The following NBEA variants were observed in gnomAD, a reference collection of about 807,000 sequenced individuals.
NBEA encodes the protein lysosomal-trafficking regulator 2.
In NBEA, 44 loss-of-function variants were observed where a neutral mutation model predicts 343.4. The ratio of observed to expected loss-of-function variants is 0.13; its 90% CI spans 0.10 to 0.16. The LOEUF is 0.16. NBEA is among the 10% of genes least tolerant of loss of function. The probability of loss-of-function intolerance (pLI) is 1.00; values close to 1 mark genes in which losing one functional copy is unlikely to be tolerated. For synonymous variants in NBEA, 1,175 were observed against 1,238.7 expected, an observed-to-expected ratio of 0.95 and a Z score of 1.08; for missense variants, 2,555 against 3,631.3, an observed-to-expected ratio of 0.70 and a Z score of 7.62.
chr13:35,534,241 C>T (rs531845859), intron 41 of NBEA, among the ~76,000 whole-genome samples: 1 of 152,276 alleles, frequency 6.6e-6, no homozygotes, highest in Non-Finnish European at 1.5e-5. Flanking sequence ...CCTTGAGACT[C>T]CTTTCATACC....
At chr13:35,233,931 A>G (rs565282190) in intron 34 of NBEA, among the ~76,000 whole-genome samples, 8 of 152,290 alleles carry the variant, frequency 5.3e-5, no homozygotes, top group South Asian at 2.1e-4. Flanking sequence ...TAAAAGTTAC[A>G]TTTGAGCAAA....
At chr13:35,466,607 A>G (rs1230164742) in intron 40 of NBEA, among the ~76,000 whole-genome samples, 1 of 152,142 alleles carries the variant, frequency 6.6e-6, no homozygotes, top group African/African-American at 2.4e-5. Flanking sequence ...AGCCAGGACA[A>G]TAGGCATGTG....
At chr13:35,400,182 A>G (rs958050157) in intron 38 of NBEA, among the ~76,000 whole-genome samples, 2 of 135,952 alleles carry the variant, frequency 1.5e-5, no homozygotes, top group Non-Finnish European at 3.1e-5. Flanking sequence ...GGGTTGCCAC[A>G]ACTCTTCAAT....
chr13:34,961,402 C>G (rs1396484035), intron 1 of NBEA, among the ~76,000 whole-genome samples: 1 of 151,992 alleles, frequency 6.6e-6, no homozygotes, highest in Non-Finnish European at 1.5e-5. Context: ...CTCAGTTATT[C>G]AGTGTGGGTT....
intron 32 of NBEA, among the ~76,000 whole-genome samples, chr13:35,210,610 C>T (rs533871499): frequency 2.6e-5 from 4 of 152,226 alleles, no homozygotes; most frequent in African/African-American, 9.6e-5. Flanking sequence ...AAGCAGTGAT[C>T]TTATCAAAAG....
At chr13:35,653,109 T>G (rs940330297) in intron 53 of NBEA, among the ~76,000 whole-genome samples, 6 of 152,178 alleles carry the variant, frequency 3.9e-5, no homozygotes, top group Non-Finnish European at 7.3e-5. Flanking sequence ...TTCAAAATAT[T>G]TTTAAATAAT....
At position 35,540,336 on chromosome 13, in the gene NBEA, G is replaced by T. The variant is rs374003074; in HGVS notation, c.6586-10141G>T. Among the ~76,000 whole-genome samples the T allele has an allele frequency of 1.2e-4, 19 of 152,204 alleles. No homozygotes were observed. The South Asian group carries it at 3.3e-3, about 27-fold the overall frequency. On this transcript the variant is annotated intron_variant, in intron 41 of 58. Coordinates refer to ENST00000379939, the MANE Select transcript of NBEA (RefSeq NM_001385012.1). ...ATACATAGAGAAGTTAATGTATTCA[G>T]TATAGAAATGAAAGTAAATACTGGA...
At chr13:35,310,753 C>G (rs2037307689) in intron 36 of NBEA, among the ~76,000 whole-genome samples, 1 of 152,062 alleles carries the variant, frequency 6.6e-6, no homozygotes, top group African/African-American at 2.4e-5. Context: ...TTGGCATGAC[C>G]TATTCATTTC....
intron 36 of NBEA, among the ~76,000 whole-genome samples, chr13:35,335,521 A>G (rs1349980383): frequency 1.3e-5 from 2 of 152,072 alleles, no homozygotes. Context: ...GATTTGTTTC[A>G]TCGATGTATT....
At chr13:35,373,976 T>C (rs186965840) in intron 38 of NBEA, among the ~76,000 whole-genome samples, 19 of 152,262 alleles carry the variant, frequency 1.2e-4, no homozygotes, top group Admixed American at 9.8e-4. Flanking sequence ...TTAGTTATTG[T>C]AGCCTCCTTC....
At chr13:35,224,962 GT>G (rs2074570479) in intron 33 of NBEA, among the ~76,000 whole-genome samples, 1 of 151,992 alleles carries the variant, frequency 6.6e-6, no homozygotes, top group South Asian at 2.1e-4. Context: ...TTTTCTTGTT[GT>G]TTTTGTTACT....
At chr13:35,670,671 TGCA>T (rs1344234769) in intron 58 of NBEA, among the ~76,000 whole-genome samples, 3 of 152,242 alleles carry the variant, frequency 2.0e-5, no homozygotes, top group African/African-American at 7.2e-5. Context: ...CCTCACGCTC[TGCA>T]GCAGGGCTGG....
At chr13:35,262,682 A>G (rs1451024991) in intron 34 of NBEA, among the ~76,000 whole-genome samples, 1 of 152,220 alleles carries the variant, frequency 6.6e-6, no homozygotes, top group Non-Finnish European at 1.5e-5. Flanking sequence ...GGGTGAGGTT[A>G]AGACTTCCAA....
chr13:35,605,088 G>A (rs541623171), intron 47 of NBEA, among the ~76,000 whole-genome samples: 37 of 152,296 alleles, frequency 2.4e-4, no homozygotes, highest in African/African-American at 8.9e-4. Context: ...ATAAGTAAAT[G>A]TCAGAGAAAT....
At chr13:35,340,405 G>C (rs1361181013) in intron 36 of NBEA, among the ~76,000 whole-genome samples, 1 of 152,076 alleles carries the variant, frequency 6.6e-6, no homozygotes, top group Non-Finnish European at 1.5e-5. Flanking sequence ...ACCCAGAGTA[G>C]TGAAACTCAC....
At chr13:35,139,753 T>G (rs1036451169) in intron 17 of NBEA, among the ~76,000 whole-genome samples, 9 of 143,626 alleles carry the variant, frequency 6.3e-5, no homozygotes, top group Middle Eastern at 3.4e-3. Flanking sequence ...CGTTTTTTTT[T>G]TTTTTTTTTT....
chr13:35,584,569 G>A (rs916175106), intron 46 of NBEA, among the ~76,000 whole-genome samples: 3 of 150,430 alleles, frequency 2.0e-5, no homozygotes, highest in Non-Finnish European at 3.0e-5. Flanking sequence ...GCATGACCTC[G>A]GCTTACTGCA....
At chr13:35,437,109 T>TA (rs1436783299) in intron 39 of NBEA, among the ~76,000 whole-genome samples, 2 of 152,186 alleles carry the variant, frequency 1.3e-5, no homozygotes, top group African/African-American at 4.8e-5. Context: ...CATGTTTTAA[T>TA]AAAAATATCT....
chr13:35,009,727 G>T (rs961662134), intron 1 of NBEA, among the ~76,000 whole-genome samples: 1 of 152,176 alleles, frequency 6.6e-6, no homozygotes, highest in African/African-American at 2.4e-5. Context: ...GAATAAACCA[G>T]ATCCTGGGTG....
Sources: gnomAD v4.1 joint callset for allele counts (sites outside exome capture counted in the v4.1 genomes callset) on GRCh38, gnomAD v4.1.1 for gene constraint, MANE v1.5 for transcripts, NCBI Gene and HGNC (gene_info 2026-07-23, HGNC 2026-07-21) for gene names.